The following AKAP9 variants were observed in gnomAD, a reference collection of about 807,000 sequenced individuals.
AKAP9 encodes A-kinase anchoring protein 9, also known as A-kinase anchor protein 9.
In AKAP9, 311 loss-of-function variants were observed where a neutral mutation model predicts 488.5. The observed-to-expected ratio is 0.64, with a 90% confidence interval of 0.58 to 0.70. The LOEUF is 0.70. Ranked by LOEUF, AKAP9 falls within the 30% of genes least tolerant of loss-of-function variation. The pLI is 0.00. For synonymous variants in AKAP9, 1,462 were observed against 1,483.5 expected (o/e 0.99, Z 0.33); for missense variants, 4,215 against 4,374.5 (o/e 0.96, Z 1.03).
At position 92,084,932 on chromosome 7, in the gene AKAP9, A is replaced by G; in HGVS notation, c.8824A>G (p.Lys2942Glu). The change falls in exon 35 of 50, where the codon AAA (lysine) becomes GAA (glutamate). Residue 2942 changes from lysine to glutamate, a missense_variant. Around this residue, in one of 5 missense-constraint regions of AKAP9, gnomAD observed 1,476 missense variants for 1,477.4 expected, o/e 1.00. Coordinates refer to ENST00000356239, the MANE Select transcript of AKAP9 (RefSeq NM_005751.5). The stretch of plus-strand genomic sequence containing the variant: ...AAGTGCAACAGATTCCTTTCCAAAG[A>G]AAATAAAGGTACTAAAAGATAGATA... Reference protein sequence around the residue: ...SESATDSFPKKIKGLLRAVHN... With the variant: ...SESATDSFPKEIKGLLRAVHN... 1 of 1,613,132 alleles carries G rather than the reference A, an allele frequency of 6.2e-7. No individual in the cohort carries two copies. Among genetic ancestry groups the G allele is most frequent in the Admixed American group, 1.7e-5 (1 of 59,996 alleles).
At chr7:92,025,764 A>T (rs1338738451) in intron 14 of AKAP9, among the ~76,000 whole-genome samples, 2 of 152,182 alleles carry the variant, frequency 1.3e-5, no homozygotes, top group East Asian at 3.8e-4. Context: ...TACCCTTAAG[A>T]TTGTGAGGAT....
chr7:92,097,129 A>G lies in AKAP9; in HGVS notation c.10170A>G (p.Thr3390=). The G allele has an allele frequency of 2.5e-6, 4 of 1,614,238 alleles. No individual in the cohort carries two copies. The South Asian group carries it at 3.3e-5, about 13-fold the overall frequency. Residue 3390 remains threonine, a synonymous_variant, in exon 41 of 50, where the codon ACA becomes ACG. Transcript: ENST00000356239. ...AAGATAGGCAGGTTCACAGGAAAAC[A>G]CTGCAGACAGAACAGGAGGCCAACA... ...MEKDRQVHRK[T]LQTEQEANTE...
At position 92,101,102 on chromosome 7, in the gene AKAP9, T is replaced by G. The variant is rs1309106196; in HGVS notation, c.11097+46T>G. On this transcript the variant is annotated intron_variant, in intron 45 of 49. Transcript: ENST00000356239. ...AAACATCACAGCTGGTTCTATGTTT[T>G]TGCCTTCTTTCATCTCTCACTGACC... The G allele has an allele frequency of 2.5e-6, 4 of 1,579,562 alleles. No homozygotes were observed. In the South Asian group the frequency reaches 4.6e-5, roughly 18 times the overall value.
At chr7:91,974,161 A>C (rs1389354840) in intron 2 of AKAP9, among the ~76,000 whole-genome samples, 193 bp downstream of exon 2, 1 of 152,216 alleles carries the variant, frequency 6.6e-6, no homozygotes, top group Non-Finnish European at 1.5e-5. Flanking sequence ...GTTTAATTTA[A>C]TATATGTTGA....
chr7:91,955,933 G>A (rs1646325811), intron 1 of AKAP9, among the ~76,000 whole-genome samples: 2 of 151,824 alleles, frequency 1.3e-5, no homozygotes, highest in South Asian at 4.2e-4. Flanking sequence ...GCACCCAACC[G>A]CCTTGAATTT....
intron 22 of AKAP9, among the ~76,000 whole-genome samples, chr7:92,053,295 A>C (rs1808292265): frequency 6.6e-6 from 1 of 152,202 alleles, no homozygotes; most frequent in Admixed American, 6.5e-5. Context: ...TTTGACCTGG[A>C]TCTCAGCCAG....
intron 38 of AKAP9, 23 bp downstream of exon 38, chr7:92,089,552 A>G (rs1342442637): frequency 6.2e-7 from 1 of 1,610,128 alleles, no homozygotes; most frequent in East Asian, 2.2e-5. Context: ...ACAAGCTCAT[A>G]TGGTTACACA....
intron 12 of AKAP9, 45 bp from the exon 13 acceptor site, chr7:92,022,193 G>C (rs1472549746): frequency 1.4e-6 from 2 of 1,412,260 alleles, no homozygotes; most frequent in Non-Finnish European, 2.0e-6. Context: ...CTAATTGCTG[G>C]ATTATGTATT....
chr7:91,957,943 G>A (rs1413394193), intron 1 of AKAP9, among the ~76,000 whole-genome samples: 1 of 152,062 alleles, frequency 6.6e-6, no homozygotes, highest in Non-Finnish European at 1.5e-5. Context: ...CTGACGTACA[G>A]CACATGCCAA....
In AKAP9 at chr7:92,041,964, G is replaced by C. The variant is rs1584281019; in HGVS notation, c.4918-82G>C. ...AGAACCAGGGCCTGTTGGTCCCGGGGGTTAAAAGAAATCTGCTTAATATTT... is the reference window on the plus strand; with the variant it reads ...AGAACCAGGGCCTGTTGGTCCCGGGCGTTAAAAGAAATCTGCTTAATATTT... On this transcript the variant is annotated intron_variant, in intron 18 of 49. Coordinates refer to ENST00000356239, the MANE Select transcript of AKAP9 (RefSeq NM_005751.5). 3.4e-6 allele frequency: 5 copies of C among 1,488,256 alleles called. No homozygotes were observed. In the East Asian group the frequency reaches 1.2e-4, roughly 35 times the overall value. The allele number at this position is 1,488,256 out of a possible 1,614,324, so 92.2% of individuals were successfully genotyped here.
At chr7:92,041,290 A>G (rs1174214309) in intron 18 of AKAP9, 14 of 168,718 alleles carry the variant, frequency 8.3e-5, no homozygotes, top group Admixed American at 7.1e-4. Context: ...TGCAGTTACT[A>G]TCATTCAGTT....
chr7:92,066,458 A>T lies in AKAP9; in HGVS notation c.6242A>T (p.Asp2081Val). 6.2e-7 allele frequency: 1 copy of T among 1,613,168 alleles called. No individual in the cohort carries two copies. The highest frequency in any genetic ancestry group is 8.5e-7 in the Non-Finnish European group (1 of 1,179,322). Residue 2081 changes from aspartate to valine, a missense_variant, in exon 26 of 50, where the codon GAT becomes GTT. By Grantham distance (152) the Asp-to-Val change is radical (BLOSUM62 -3). This residue lies in a region of AKAP9 where 2,361 missense variants were observed against 2,430.0 expected (regional missense o/e 0.97). Coordinates refer to ENST00000356239, the MANE Select transcript of AKAP9 (RefSeq NM_005751.5). ...GCCATTGACAGAGAACATGAGAGAGATGTATTCCAACAGGAAATACAGAAA... is the reference window on the plus strand; with the variant it reads ...GCCATTGACAGAGAACATGAGAGAGTTGTATTCCAACAGGAAATACAGAAA... ...EQAIDREHERDVFQQEIQKLE... is the reference protein window; with the variant it reads ...EQAIDREHERVVFQQEIQKLE...
chr7:92,101,739 T>G (rs1358392812), intron 45 of AKAP9, among the ~76,000 whole-genome samples: 2 of 152,222 alleles, frequency 1.3e-5, no homozygotes, highest in Non-Finnish European at 2.9e-5. Context: ...CTCCGGTGAC[T>G]AATAATGAAT....
intron 6 of AKAP9, 140 bp downstream of exon 6, chr7:91,994,916 C>A: frequency 1.4e-6 from 1 of 702,222 alleles, no homozygotes; most frequent in African/African-American, 1.8e-5. Context: ...ATATGTGTTG[C>A]TATATTAACC....
Position 92,045,233 on chromosome 7 carries a change from T to C in AKAP9, c.5368+20T>C, listed in dbSNP as rs1806771702. ...CAAGAGGTACTAGTTTTCTGTGTTG[T>C]GGAAACAATCATTTCAACAAATCTG... On this transcript the variant is annotated intron_variant, in intron 21 of 49. Coordinates refer to ENST00000356239, the MANE Select transcript of AKAP9 (RefSeq NM_005751.5). The C allele has an allele frequency of 1.9e-6, 3 of 1,606,804 alleles. No individual in the cohort carries two copies. The East Asian group carries it at 6.7e-5, about 36-fold the overall frequency.
chr7:92,040,574 A>G (rs1386265172), intron 17 of AKAP9, 100 bp from the exon 18 acceptor site: 35 of 815,342 alleles, frequency 4.3e-5, no homozygotes, highest in Non-Finnish European at 6.3e-5. Context: ...GGGATAAGGA[A>G]TAGAATTGCT....
At chr7:92,078,993 T>C in intron 30 of AKAP9, 86 bp from the exon 31 acceptor site, 2 of 823,604 alleles carry the variant, frequency 2.4e-6, no homozygotes, top group Non-Finnish European at 3.7e-6. Context: ...GATCATCTCT[T>C]TGAGGTACTG....
chr7:91,980,202 A>T, intron 2 of AKAP9, 87 bp from the exon 3 acceptor site: 3 of 748,302 alleles, frequency 4.0e-6, no homozygotes, highest in Non-Finnish European at 6.8e-6. Context: ...CTTTTCTATC[A>T]TATGTTACCA....
Position 92,093,272 on chromosome 7 carries a change from A to G in AKAP9, c.9534A>G (p.Thr3178=), listed in dbSNP as rs764564712. The G allele has an allele frequency of 6.2e-7, 1 of 1,614,064 alleles. No individual in the cohort carries two copies. Among genetic ancestry groups the G allele is most frequent in the South Asian group, 1.1e-5 (1 of 91,076 alleles). ...LAQTKLELET[T]LKAQHKHLKE... ...AAACTAAATTGGAACTAGAAACAAC[A>G]CTCAAGGCACAGCATAAACACCTAA... The change falls in exon 39 of 50, where the codon ACA becomes ACG. Residue 3178 remains threonine, a synonymous_variant. Coordinates refer to ENST00000356239, the MANE Select transcript of AKAP9 (RefSeq NM_005751.5).
Sources: allele counts gnomAD v4.1 joint callset (sites outside exome capture counted in the v4.1 genomes callset), GRCh38; gene constraint gnomAD v4.1.1; regional missense constraint gnomAD v4.1.1; transcripts MANE v1.5; gene names NCBI Gene and HGNC (gene_info 2026-07-23, HGNC 2026-07-21).